PLCH1: variants seen among roughly 807,000 people sequenced by gnomAD.
PLCH1 encodes phospholipase C eta 1.
PLCH1 carries 60 observed loss-of-function variants against 126.7 expected under a neutral mutation model. That is an observed-to-expected ratio of 0.47 (90% CI 0.38 to 0.59). The LOEUF (loss-of-function observed/expected upper bound fraction) is 0.59. Ranked by LOEUF, PLCH1 falls within the 20% of genes least tolerant of loss-of-function variation. The pLI is 0.00. For synonymous variants in PLCH1, 719 were observed against 734.9 expected, an observed-to-expected ratio of 0.98 and a Z score of 0.35; for missense variants, 1,723 against 2,040.0, an observed-to-expected ratio of 0.84 and a Z score of 2.99.
At chr3:155,690,105 T>A (rs966671275) in intron 2 of PLCH1, among the ~76,000 whole-genome samples, 1 of 151,378 alleles carries the variant, frequency 6.6e-6, no homozygotes, top group Admixed American at 6.6e-5. Flanking sequence ...GCAGCAGACT[T>A]TTCAGTGGGA....
intron 2 of PLCH1, among the ~76,000 whole-genome samples, chr3:155,701,746 G>C (rs1406646122): frequency 6.6e-6 from 1 of 152,118 alleles, no homozygotes; most frequent in African/African-American, 2.4e-5. Context: ...ATTACCACTA[G>C]AGCTCCCTTG....
intron 2 of PLCH1, among the ~76,000 whole-genome samples, chr3:155,674,625 A>G (rs949279342): frequency 2.0e-5 from 3 of 152,200 alleles, no homozygotes; most frequent in Non-Finnish European, 4.4e-5. Context: ...AAGATAAATA[A>G]TAGAAAATCT....
At chr3:155,633,558 C>T (rs998473283) in intron 2 of PLCH1, among the ~76,000 whole-genome samples, 1 of 152,138 alleles carries the variant, frequency 6.6e-6, no homozygotes, top group African/African-American at 2.4e-5. Context: ...TCTCCCATAC[C>T]TGCCAGTGTT....
At chr3:155,566,178 T>C (rs1577027061) in intron 7 of PLCH1, among the ~76,000 whole-genome samples, 1 of 70,238 alleles carries the variant, frequency 1.4e-5, no homozygotes, top group Admixed American at 1.6e-4. Context: ...TATACACATA[T>C]ATACACATAT....
At chr3:155,611,485 A>AT (rs775202847) in intron 2 of PLCH1, among the ~76,000 whole-genome samples, 7 of 152,220 alleles carry the variant, frequency 4.6e-5, no homozygotes, top group Non-Finnish European at 8.8e-5. Context: ...TCCTAAATAT[A>AT]TATCTTCCTA....
chr3:155,554,511 G>A (rs17411990), intron 8 of PLCH1, among the ~76,000 whole-genome samples: 11,326 of 152,038 alleles, frequency 0.074, 541 homozygotes, highest in South Asian at 0.15. Context: ...CCCAAGGATA[G>A]GGAGATTTCT....
At chr3:155,625,740 A>C (rs1406529799) in intron 2 of PLCH1, among the ~76,000 whole-genome samples, 1 of 152,204 alleles carries the variant, frequency 6.6e-6, no homozygotes, top group Non-Finnish European at 1.5e-5. Flanking sequence ...CAGATGCTGG[A>C]GAGGATGTGG....
intron 16 of PLCH1, 26 bp from the exon 17 acceptor site, chr3:155,494,274 A>T: frequency 2.5e-6 from 4 of 1,611,002 alleles, no homozygotes; most frequent in Non-Finnish European, 3.4e-6. Context: ...GTGGGAGAGA[A>T]TTAGGCAAGA....
rs951571932 is a variant in PLCH1, at chr3:155,696,968, T to C, written c.79+7178A>G. 2.0e-5 allele frequency among the ~76,000 whole-genome samples: 3 copies of C among 152,234 alleles called. No individual in the cohort carries two copies. In the South Asian group the frequency reaches 6.2e-4, roughly 32 times the overall value. ...TGAACACTGTCACTTCTCATCCACCTGGGCTTCCCATACATCCAGATCTCC... is the reference window on the plus strand; with the variant it reads ...TGAACACTGTCACTTCTCATCCACCCGGGCTTCCCATACATCCAGATCTCC... On this transcript the variant is annotated intron_variant, in intron 2 of 22. Transcript: ENST00000460012.
chr3:155,640,314 C>T (rs953239365), intron 2 of PLCH1, among the ~76,000 whole-genome samples: 7 of 152,220 alleles, frequency 4.6e-5, no homozygotes, highest in African/African-American at 1.4e-4. Context: ...CCTTGAATTC[C>T]TTGAGATGAC....
intron 2 of PLCH1, among the ~76,000 whole-genome samples, chr3:155,687,447 T>C (rs1254544516): frequency 1.3e-5 from 2 of 152,198 alleles, no homozygotes; most frequent in African/African-American, 2.4e-5. Context: ...AATTTAGTAC[T>C]ATGATTTATG....
In PLCH1 at chr3:155,481,113, C is replaced by G. The variant is rs747367230; in HGVS notation, c.4913G>C (p.Gly1638Ala). Residue 1638 changes from glycine to alanine, a missense_variant, in exon 23 of 23, where the codon GGC becomes GCC. Physicochemically the swap from Gly to Ala is moderately conservative, Grantham distance 60 (BLOSUM62 0). Around this residue, in one of 2 missense-constraint regions of PLCH1, gnomAD observed 947 missense variants for 977.1 expected, o/e 0.97. Transcript: ENST00000460012. This position sits in a 1 kb window ranked among gnomAD's most constrained non-coding sequence, Gnocchi z 4.2. Reference protein sequence around the residue: ...AGYLKNTKGGGLEGRGIPEGA... With the variant: ...AGYLKNTKGGALEGRGIPEGA... ...CTCTGGGATGCCCCGGCCTTCAAGG[C>G]CACCCCCTTTCGTGTTCTTCAGGTA... is the stretch of plus-strand genomic sequence containing the variant. 1 of 1,614,210 alleles carries G rather than the reference C, an allele frequency of 6.2e-7. No individual in the cohort carries two copies. The highest frequency in any genetic ancestry group is 1.3e-5 in the African/African-American group (1 of 75,078).
Position 155,529,417 on chromosome 3 carries a change from T to C in PLCH1, c.1363-5413A>G, listed in dbSNP as rs140997395. On this transcript the variant is annotated intron_variant, in intron 10 of 22. Coordinates refer to ENST00000460012, the MANE Select transcript of PLCH1 (RefSeq NM_014996.4). ...TTTTTTTTTCATAAGCAACGTTTTA[T>C]TTACAGGCATACCTTAGAATTATTA... 2.3e-3 allele frequency among the ~76,000 whole-genome samples: 354 copies of C among 152,268 alleles called. 1 individual carries two copies. The highest frequency in any genetic ancestry group is 8.2e-3 in the African/African-American group (339 of 41,544).
intron 10 of PLCH1, among the ~76,000 whole-genome samples, chr3:155,535,756 G>T (rs902467701): frequency 6.6e-6 from 1 of 152,190 alleles, no homozygotes; most frequent in Non-Finnish European, 1.5e-5. Flanking sequence ...CTGCCCATTG[G>T]CTGAGAAACC....
At chr3:155,714,658 T>C (rs1747379457) in intron 1 of PLCH1, among the ~76,000 whole-genome samples, 1 of 152,248 alleles carries the variant, frequency 6.6e-6, no homozygotes, top group Admixed American at 6.5e-5. Context: ...TCTGAGCTAG[T>C]TAAGCAATGA....
chr3:155,452,232 A>G (rs1712327366), intron 21 of PLCH1, among the ~76,000 whole-genome samples: 1 of 152,174 alleles, frequency 6.6e-6, no homozygotes, highest in African/African-American at 2.4e-5. Flanking sequence ...GAAGATGCAA[A>G]AGCAAAAATC....
chr3:155,573,632 C>A (rs1376236103), intron 6 of PLCH1, among the ~76,000 whole-genome samples: 1 of 152,168 alleles, frequency 6.6e-6, no homozygotes, highest in Non-Finnish European at 1.5e-5. Context: ...TCCCACAGTT[C>A]CAACAGGGTG....
intron 21 of PLCH1, among the ~76,000 whole-genome samples, chr3:155,460,882 G>T (rs1712698156): frequency 6.6e-6 from 1 of 152,126 alleles, no homozygotes; most frequent in Non-Finnish European, 1.5e-5. Context: ...ATTCAACCAG[G>T]TGGTATCCAC....
chr3:155,632,886 G>A (rs563092204), intron 2 of PLCH1, among the ~76,000 whole-genome samples: 2 of 152,212 alleles, frequency 1.3e-5, no homozygotes, highest in East Asian at 3.9e-4. Flanking sequence ...AGGCTATGCT[G>A]ATCTCCAAAG....
Sources: allele counts gnomAD v4.1 joint callset (sites outside exome capture counted in the v4.1 genomes callset), GRCh38; gene constraint gnomAD v4.1.1; regional missense constraint gnomAD v4.1.1; non-coding constraint Gnocchi (gnomAD v3.1); transcripts MANE v1.5; gene names NCBI Gene and HGNC (gene_info 2026-07-23, HGNC 2026-07-21).